Variants in CYP7B1 observed in about 807,000 individuals in gnomAD.
CYP7B1 encodes cytochrome P450 7B1.
In CYP7B1, 29 loss-of-function variants were observed where a neutral mutation model predicts 42.7. The ratio of observed to expected loss-of-function variants is 0.68; its 90% CI spans 0.51 to 0.93. The LOEUF (loss-of-function observed/expected upper bound fraction) is 0.93. Among genes scored for constraint, CYP7B1 ranks in the 40% least tolerant of loss-of-function variants. The pLI is 0.00. For missense variants in CYP7B1, 655 were observed against 600.5 expected, an observed-to-expected ratio of 1.09 and a Z score of -0.95; for synonymous variants, 235 against 218.2, an observed-to-expected ratio of 1.08 and a Z score of -0.68.
At chr8:64,759,769 T>C (rs1585898742) in intron 1 of CYP7B1, among the ~76,000 whole-genome samples, 1 of 152,170 alleles carries the variant, frequency 6.6e-6, no homozygotes, top group Admixed American at 6.5e-5. Flanking sequence ...GTGAGAAAGA[T>C]ATTGCTGCTT....
intron 1 of CYP7B1, among the ~76,000 whole-genome samples, chr8:64,757,279 A>G (rs1284768011): frequency 6.6e-6 from 1 of 152,192 alleles, no homozygotes; most frequent in Non-Finnish European, 1.5e-5. Context: ...GACTAATACC[A>G]ACTACAGTCA....
At chr8:64,664,346 TTAA>T (rs1439428416) in intron 1 of CYP7B1, among the ~76,000 whole-genome samples, 1 of 152,218 alleles carries the variant, frequency 6.6e-6, no homozygotes, top group Non-Finnish European at 1.5e-5. Context: ...TGGCTCAATT[TTAA>T]TAATAATAGC....
intron 1 of CYP7B1, among the ~76,000 whole-genome samples, chr8:64,665,543 GTTTTTTTTTTTGGTGGTTTTTTTTTTTTT>G (rs1806262155): frequency 4.3e-5 from 2 of 46,234 alleles, no homozygotes; most frequent in Admixed American, 3.9e-4. Flanking sequence ...CATTTTAAGT[GTTTTTTTTTTTGGTGGTTTTTTTTTTTTT>G]TTTTTTTTTT....
At chr8:64,687,984 C>A (rs1258598832) in intron 1 of CYP7B1, among the ~76,000 whole-genome samples, 1 of 152,230 alleles carries the variant, frequency 6.6e-6, no homozygotes, top group Non-Finnish European at 1.5e-5. Context: ...TCCCAGCCAT[C>A]TCCTGGGTTT....
At chr8:64,776,958 G>C (rs1188783802) in intron 1 of CYP7B1, among the ~76,000 whole-genome samples, 1 of 152,012 alleles carries the variant, frequency 6.6e-6, no homozygotes, top group East Asian at 1.9e-4. Flanking sequence ...AAACTTGTCA[G>C]AAAAATACAT....
chr8:64,650,791 A>G (rs1042812178), intron 1 of CYP7B1, among the ~76,000 whole-genome samples: 11 of 152,208 alleles, frequency 7.2e-5, no homozygotes, highest in Non-Finnish European at 1.5e-4. Context: ...GAAACTTACA[A>G]TTTAATAACA....
At chr8:64,701,437 T>C (rs1031494639) in intron 1 of CYP7B1, among the ~76,000 whole-genome samples, 2 of 152,074 alleles carry the variant, frequency 1.3e-5, no homozygotes, top group African/African-American at 4.8e-5. Context: ...CCAGGCAGCT[T>C]TTGCTGTAGT....
At chr8:64,635,036 A>G (rs1384307264) in intron 1 of CYP7B1, among the ~76,000 whole-genome samples, 1 of 152,156 alleles carries the variant, frequency 6.6e-6, no homozygotes, top group Non-Finnish European at 1.5e-5. Context: ...TCAAGGTTCT[A>G]CTCGAAGCAA....
chr8:64,648,385 T>C (rs980731284), intron 1 of CYP7B1, among the ~76,000 whole-genome samples: 4 of 152,188 alleles, frequency 2.6e-5, no homozygotes, highest in Non-Finnish European at 4.4e-5. Flanking sequence ...TAAAGAGAAA[T>C]ACAACGCTAT....
chr8:64,769,734 G>A (rs1240219314), intron 1 of CYP7B1, among the ~76,000 whole-genome samples: 5 of 151,994 alleles, frequency 3.3e-5, no homozygotes, highest in Non-Finnish European at 5.9e-5. Context: ...CAAATTGATC[G>A]CTTTCTCCTC....
intron 1 of CYP7B1, among the ~76,000 whole-genome samples, chr8:64,711,721 C>T (rs571271469): frequency 1.2e-4 from 18 of 152,256 alleles, no homozygotes; most frequent in South Asian, 4.2e-4. Flanking sequence ...TCTTATAATA[C>T]GCCTTCCTTC....
chr8:64,729,190 T>TTAG (rs1563407376), intron 1 of CYP7B1, among the ~76,000 whole-genome samples: 1 of 152,160 alleles, frequency 6.6e-6, no homozygotes, highest in East Asian at 1.9e-4. Flanking sequence ...AGAGAAGCTC[T>TTAG]AAGATAACAG....
intron 1 of CYP7B1, among the ~76,000 whole-genome samples, chr8:64,687,669 A>G (rs895437158): frequency 3.9e-5 from 6 of 152,252 alleles, no homozygotes; most frequent in African/African-American, 1.4e-4. Context: ...CTCAAGAAAC[A>G]TAAATTTTTC....
chr8:64,686,153 C>T (rs1224376939), intron 1 of CYP7B1, among the ~76,000 whole-genome samples: 104 of 72,248 alleles, frequency 1.4e-3, no homozygotes, highest in Non-Finnish European at 1.8e-3. Context: ...AGGTGAGGGG[C>T]GCCTCTGCCC....
chr8:64,657,308 T>A (rs1189362874), intron 1 of CYP7B1, among the ~76,000 whole-genome samples: 1 of 152,118 alleles, frequency 6.6e-6, no homozygotes, highest in African/African-American at 2.4e-5. Context: ...CTAGAATAAA[T>A]GTTCTAGGCA....
At chr8:64,658,132 A>G (rs1806148380) in intron 1 of CYP7B1, among the ~76,000 whole-genome samples, 1 of 152,064 alleles carries the variant, frequency 6.6e-6, no homozygotes, top group Non-Finnish European at 1.5e-5. Flanking sequence ...CCTCTCAAAG[A>G]CCCCACCTCC....
At chr8:64,689,971 A>T (rs930333779) in intron 1 of CYP7B1, among the ~76,000 whole-genome samples, 1 of 152,242 alleles carries the variant, frequency 6.6e-6, no homozygotes, top group Non-Finnish European at 1.5e-5. Flanking sequence ...TTAAATAAGG[A>T]GAAATATGTC....
intron 1 of CYP7B1, among the ~76,000 whole-genome samples, chr8:64,677,666 T>C (rs190392120): frequency 6.6e-4 from 98 of 149,574 alleles, no homozygotes; most frequent in Non-Finnish European, 9.9e-4. Context: ...CCAAAGGTAA[T>C]GTGATGGAAG....
At chr8:64,674,410 C>A (rs1806412641) in intron 1 of CYP7B1, among the ~76,000 whole-genome samples, 1 of 152,096 alleles carries the variant, frequency 6.6e-6, no homozygotes, top group Non-Finnish European at 1.5e-5. Context: ...TGCCACCATA[C>A]CCTTGACCTT....
Sources: allele counts gnomAD v4.1 joint callset (sites outside exome capture counted in the v4.1 genomes callset), GRCh38; gene constraint gnomAD v4.1.1; transcripts MANE v1.5; gene names NCBI Gene and HGNC (gene_info 2026-07-23, HGNC 2026-07-21).